The following ATP8A2 variants were observed in gnomAD, a reference collection of about 807,000 sequenced individuals.
ATP8A2 encodes phospholipid-transporting ATPase IB.
In ATP8A2, 100 loss-of-function variants were observed where a neutral mutation model predicts 165.6. That is an observed-to-expected ratio of 0.60 (90% CI 0.51 to 0.71). ATP8A2 has a LOEUF of 0.71. Ranked by LOEUF, ATP8A2 falls within the 30% of genes least tolerant of loss-of-function variation. The pLI, the probability that ATP8A2 is intolerant of heterozygous loss-of-function variation, is 0.00. For missense variants in ATP8A2, 1,227 were observed against 1,479.5 expected (o/e 0.83, Z 2.80); for synonymous variants, 543 against 548.8 (o/e 0.99, Z 0.15).
At chr13:25,902,520 A>AT in intron 33 of ATP8A2, among the ~76,000 whole-genome samples, 1 of 152,024 alleles carries the variant, frequency 6.6e-6, no homozygotes, top group South Asian at 2.1e-4. Flanking sequence ...TGAAACAGTT[A>AT]TATCTATTCA....
rs1254819606 is a variant in ATP8A2, at chr13:25,372,067, C to A, written c.-146C>A. On this transcript the variant is annotated 5_prime_UTR_variant, in exon 1 of 37. Coordinates refer to ENST00000381655, the MANE Select transcript of ATP8A2 (RefSeq NM_016529.6). The surrounding 1 kb of genome is among the most constrained non-coding windows in gnomAD (Gnocchi z 4.8). ...GGACGGCGCAGCCTCGGGCGCGGCCCGGCACAGGCGCCGGCGGTCCCCGCC... is the reference window on the plus strand; with the variant it reads ...GGACGGCGCAGCCTCGGGCGCGGCCAGGCACAGGCGCCGGCGGTCCCCGCC... The A allele has an allele frequency of 2.4e-6, 1 of 420,996 alleles. No individual in the cohort carries two copies. Among genetic ancestry groups the A allele is most frequent in the African/African-American group, 2.1e-5 (1 of 47,232 alleles). 26.1% of individuals were successfully genotyped at this position (420,996 alleles called of 1,614,324 possible). A position where few individuals can be genotyped will look rare whatever the true frequency, so the allele number is the denominator to read the frequency against.
intron 24 of ATP8A2, among the ~76,000 whole-genome samples, chr13:25,601,868 A>G (rs762692513): frequency 6.6e-6 from 1 of 152,306 alleles, no homozygotes; most frequent in South Asian, 2.1e-4. Flanking sequence ...ACAAAAGCTC[A>G]TGGTCCGTTG....
chr13:25,532,618 C>T lies in ATP8A2; in HGVS notation c.466+301C>T, dbSNP rs143378892. ...CTTCATTTATAATCTCTCCTTACTTCCCTCTTCTACTTTTTATTGTTTTAT... is the reference window on the plus strand; with the variant it reads ...CTTCATTTATAATCTCTCCTTACTTTCCTCTTCTACTTTTTATTGTTTTAT... On this transcript the variant is annotated intron_variant, in intron 5 of 36. Coordinates refer to ENST00000381655, the MANE Select transcript of ATP8A2 (RefSeq NM_016529.6). 9.0e-4 allele frequency among the ~76,000 whole-genome samples: 137 copies of T among 152,176 alleles called. 1 individual carries two copies. The highest frequency in any genetic ancestry group is 3.2e-3 in the African/African-American group (134 of 41,536).
At chr13:25,474,580 A>G (rs985040670) in intron 2 of ATP8A2, among the ~76,000 whole-genome samples, 7 of 152,172 alleles carry the variant, frequency 4.6e-5, no homozygotes, top group Admixed American at 4.6e-4. Context: ...GAAAAAAAAA[A>G]AAAGAATATT....
chr13:25,921,679 A>G (rs1954464234), intron 33 of ATP8A2, among the ~76,000 whole-genome samples: 1 of 152,050 alleles, frequency 6.6e-6, no homozygotes, highest in African/African-American at 2.4e-5. Flanking sequence ...TTCTACGTGT[A>G]ATTTATTTAC....
chr13:25,853,726 C>T (rs1952078196), intron 30 of ATP8A2, among the ~76,000 whole-genome samples: 1 of 152,104 alleles, frequency 6.6e-6, no homozygotes, highest in Non-Finnish European at 1.5e-5. Flanking sequence ...CTTCTCAATT[C>T]AGATGGATTA....
intron 1 of ATP8A2, among the ~76,000 whole-genome samples, chr13:25,465,198 T>A (rs536366812): frequency 2.6e-5 from 4 of 152,244 alleles, no homozygotes; most frequent in Non-Finnish European, 5.9e-5. Flanking sequence ...TTGCTGTAGA[T>A]GGTGTAATGT....
At chr13:25,527,953 A>G (rs1454476811) in intron 2 of ATP8A2, among the ~76,000 whole-genome samples, 5 of 152,152 alleles carry the variant, frequency 3.3e-5, no homozygotes, top group Non-Finnish European at 7.4e-5. Flanking sequence ...CAGTATGTGA[A>G]CTTTCTTTTT....
intron 25 of ATP8A2, among the ~76,000 whole-genome samples, chr13:25,723,328 T>C (rs1387068893): frequency 6.6e-6 from 1 of 152,230 alleles, no homozygotes; most frequent in African/African-American, 2.4e-5. Context: ...TTTCAATTTA[T>C]TTTAATCTTT....
Position 25,643,291 on chromosome 13 carries a change from C to T in ATP8A2, c.2211+53592C>T, listed in dbSNP as rs559121834. On this transcript the variant is annotated intron_variant, in intron 24 of 36. Coordinates refer to ENST00000381655, the MANE Select transcript of ATP8A2 (RefSeq NM_016529.6). Reference sequence around the variant, plus strand: ...CCATGTTTTAATACAGGTATAGTTCCTCTTCACTGCTGTGTATTGTTACAT... The same window carrying T: ...CCATGTTTTAATACAGGTATAGTTCTTCTTCACTGCTGTGTATTGTTACAT... Among the ~76,000 whole-genome samples the T allele has an allele frequency of 2.3e-3, 343 of 152,154 alleles. 2 individuals are homozygous for T. Among genetic ancestry groups the T allele is most frequent in the African/African-American group, 8.0e-3 (333 of 41,514 alleles).
intron 33 of ATP8A2, among the ~76,000 whole-genome samples, chr13:25,877,166 A>T (rs1952839926): frequency 6.6e-6 from 1 of 152,246 alleles, no homozygotes; most frequent in Non-Finnish European, 1.5e-5. Context: ...AGTTCTTCTG[A>T]CATAGGTCAT....
In ATP8A2 at chr13:25,581,881, C is replaced by G. The variant is rs775455372; in HGVS notation, c.2070C>G (p.Thr690=). 5.6e-6 allele frequency: 9 copies of G among 1,613,946 alleles called. No homozygotes were observed. The South Asian group carries it at 8.8e-5, about 16-fold the overall frequency. ...EDRLQAGVPE[T]IATLLKAEIK... is the part of the protein sequence containing the mutation. ...GCCTTCAAGCAGGAGTTCCAGAAAC[C>G]ATCGCAACACTGTTGAAGGCAGAAA... is the stretch of plus-strand genomic sequence containing the variant. The change falls in exon 23 of 37, where the codon ACC becomes ACG. Residue 690 remains threonine, a synonymous_variant. Transcript: ENST00000381655.
chr13:25,598,848 T>C (rs2138356898), intron 24 of ATP8A2, among the ~76,000 whole-genome samples: 1 of 152,320 alleles, frequency 6.6e-6, no homozygotes, highest in African/African-American at 2.4e-5. Flanking sequence ...TGTTTTCTTT[T>C]AAAGAATATT....
chr13:25,693,568 G>A (rs2042773142), intron 24 of ATP8A2, among the ~76,000 whole-genome samples: 1 of 152,170 alleles, frequency 6.6e-6, no homozygotes, highest in Non-Finnish European at 1.5e-5. Context: ...GCAGGATTGA[G>A]ATTGAGAACC....
chr13:25,532,196 G>T, intron 4 of ATP8A2, 76 bp from the exon 5 acceptor site: 1 of 1,175,206 alleles, frequency 8.5e-7, no homozygotes, highest in Non-Finnish European at 1.3e-6. Flanking sequence ...GTAATTTCCT[G>T]ATTGTTTTGT....
chr13:25,663,608 C>G (rs1290857848), intron 24 of ATP8A2, among the ~76,000 whole-genome samples: 1 of 152,180 alleles, frequency 6.6e-6, no homozygotes, highest in Non-Finnish European at 1.5e-5. Context: ...CGCAGACCAG[C>G]TACTTTTTCT....
chr13:25,512,793 C>T (rs552592129), intron 2 of ATP8A2, among the ~76,000 whole-genome samples: 1 of 144,382 alleles, frequency 6.9e-6, no homozygotes, highest in Admixed American at 6.8e-5. Context: ...GCTGACCCCC[C>T]CATCTCCCTC....
At chr13:25,838,563 A>AT (rs538099896) in intron 29 of ATP8A2, among the ~76,000 whole-genome samples, 2,562 of 145,510 alleles carry the variant, frequency 0.018, 54 homozygotes, top group African/African-American at 0.056. Context: ...ACTTTGAAGA[A>AT]TTTTTTTTTT....
At chr13:25,442,574 T>C (rs2034961115) in intron 1 of ATP8A2, among the ~76,000 whole-genome samples, 1 of 152,138 alleles carries the variant, frequency 6.6e-6, no homozygotes, top group Non-Finnish European at 1.5e-5. Flanking sequence ...CCACCGTACC[T>C]GCCTAATTAA....
Sources: allele counts gnomAD v4.1 joint callset (sites outside exome capture counted in the v4.1 genomes callset), GRCh38; gene constraint gnomAD v4.1.1; non-coding constraint Gnocchi (gnomAD v3.1); transcripts MANE v1.5; gene names NCBI Gene and HGNC (gene_info 2026-07-23, HGNC 2026-07-21).